Variants in DPP6 observed in about 807,000 individuals in gnomAD.
DPP6 encodes the protein dipeptidyl peptidase like 6.
Under a neutral mutation model 122.6 loss-of-function variants are expected in DPP6, and 69 were observed. That is an observed-to-expected ratio of 0.56 (90% CI 0.46 to 0.69). DPP6 has a LOEUF of 0.69. Among genes scored for constraint, DPP6 ranks in the 30% least tolerant of loss-of-function variants. The probability of loss-of-function intolerance (pLI) is 0.00; values close to 1 mark genes in which losing one functional copy is unlikely to be tolerated. For synonymous variants in DPP6, 418 were observed against 433.1 expected (o/e 0.97, Z 0.43); for missense variants, 928 against 1,116.9 (o/e 0.83, Z 2.41).
chr7:154,381,158 CGTT>C (rs886994418), intron 1 of DPP6, among the ~76,000 whole-genome samples: 5 of 152,082 alleles, frequency 3.3e-5, no homozygotes, highest in African/African-American at 1.2e-4. Flanking sequence ...AGTGGGATCT[CGTT>C]GTACTTTCAT....
chr7:154,061,806 C>A (rs1334060356), intron 1 of DPP6, among the ~76,000 whole-genome samples: 9 of 136,930 alleles, frequency 6.6e-5, no homozygotes, highest in East Asian at 4.3e-4. Flanking sequence ...GACGCGGGGA[C>A]TGAGAGCGAG....
intron 1 of DPP6, among the ~76,000 whole-genome samples, chr7:153,968,225 T>TA (rs879932137): frequency 3.3e-5 from 5 of 150,234 alleles, no homozygotes; most frequent in African/African-American, 1.3e-4. Context: ...TTTGACTTTT[T>TA]AAAAAAACCA....
intron 3 of DPP6, among the ~76,000 whole-genome samples, chr7:154,510,923 TACACACACACATGCACACACACACACAC>T (rs1826022852): frequency 8.2e-6 from 1 of 121,342 alleles, no homozygotes; most frequent in African/African-American, 3.2e-5. Context: ...CTCTTACACA[TACACACACACATGCACACACACACACAC>T]ACACACACAC....
intron 1 of DPP6, among the ~76,000 whole-genome samples, chr7:153,937,425 C>A (rs750688640): frequency 2.7e-5 from 4 of 147,316 alleles, no homozygotes; most frequent in Admixed American, 6.8e-5. Context: ...TTTCTTCCCT[C>A]TTCAGAGCTA....
intron 6 of DPP6, among the ~76,000 whole-genome samples, chr7:154,643,728 G>A (rs1445332335): frequency 2.0e-5 from 3 of 152,156 alleles, no homozygotes; most frequent in South Asian, 2.1e-4. Context: ...TCGGCCTCCC[G>A]AAGTGCTGGG....
At chr7:154,033,884 C>T (rs1266214943) in intron 1 of DPP6, among the ~76,000 whole-genome samples, 2 of 152,080 alleles carry the variant, frequency 1.3e-5, no homozygotes, top group African/African-American at 2.4e-5. Flanking sequence ...TCAGTTCATT[C>T]TAGTATCACA....
chr7:154,783,485 T>C (rs1797152767), intron 10 of DPP6, among the ~76,000 whole-genome samples: 1 of 152,182 alleles, frequency 6.6e-6, no homozygotes. Flanking sequence ...TGTGGCATTA[T>C]TGCGGCTCGC....
At chr7:153,928,396 A>ATTTTTTTTTTTTTTTTCTTTTTTTT (rs1801013316) in intron 1 of DPP6, among the ~76,000 whole-genome samples, 1 of 43,672 alleles carries the variant, frequency 2.3e-5, no homozygotes, top group Non-Finnish European at 4.4e-5. Flanking sequence ...CTTTTCTTTC[A>ATTTTTTTTTTTTTTTTCTTTTTTTT]TTTTTTTTTT....
intron 8 of DPP6, among the ~76,000 whole-genome samples, chr7:154,752,347 T>G (rs535612036): frequency 7.2e-5 from 11 of 152,322 alleles, no homozygotes; most frequent in African/African-American, 2.6e-4. Context: ...AGTTGCTTCC[T>G]TAGCTGTAAA....
chr7:154,462,042 G>A (rs1387431947), intron 2 of DPP6, among the ~76,000 whole-genome samples: 2 of 152,026 alleles, frequency 1.3e-5, no homozygotes, highest in Non-Finnish European at 2.9e-5. Flanking sequence ...TTTGTATATG[G>A]TGAGAGGGAA....
At chr7:154,087,195 G>A (rs1288238429) in intron 1 of DPP6, among the ~76,000 whole-genome samples, 11 of 151,996 alleles carry the variant, frequency 7.2e-5, no homozygotes, top group African/African-American at 2.7e-4. Context: ...GGAGTGTCAC[G>A]GGGCTGACAG....
intron 1 of DPP6, among the ~76,000 whole-genome samples, chr7:154,065,473 C>A (rs1001592501): frequency 2.0e-5 from 3 of 151,528 alleles, no homozygotes; most frequent in Non-Finnish European, 4.4e-5. Context: ...CAGGAAGGGC[C>A]CAAGGAAAAC....
chr7:154,758,359 T>G (rs7790248), intron 8 of DPP6, among the ~76,000 whole-genome samples: 9,113 of 149,786 alleles, frequency 0.061, 940 homozygotes, highest in African/African-American at 0.21. Flanking sequence ...CAGACTGTGA[T>G]GAAGGAAATA....
intron 1 of DPP6, among the ~76,000 whole-genome samples, chr7:154,147,793 C>T (rs1298209188): frequency 6.6e-6 from 1 of 152,148 alleles, no homozygotes; most frequent in Non-Finnish European, 1.5e-5. Flanking sequence ...ATCCGCCTGC[C>T]TCAGCCTCCC....
chr7:154,430,645 G>A (rs577160277), intron 1 of DPP6, among the ~76,000 whole-genome samples: 34 of 152,268 alleles, frequency 2.2e-4, no homozygotes, highest in African/African-American at 6.3e-4. Context: ...TTCCCCAGCC[G>A]TGCAACACAG....
chr7:154,769,488 A>G lies in DPP6; in HGVS notation c.955A>G (p.Asn319Asp). Residue 319 changes from asparagine (N) to aspartate (D), a missense_variant, in exon 9 of 26, where the codon AAT becomes GAT. Asn to Asp is a conservative substitution (Grantham distance 23). Transcript: ENST00000377770. Reference protein sequence around the residue: ...DGTRLAYAAINDSRVPIMELP... With the variant: ...DGTRLAYAAIDDSRVPIMELP... ...CACGAGACTCGCCTACGCCGCCATC[A>G]ATGATTCCCGTGTCCCCATCATGGA... 6.2e-7 allele frequency: 1 copy of G among 1,613,716 alleles called. No individual in the cohort carries two copies. Among genetic ancestry groups the G allele is most frequent in the Non-Finnish European group, 8.5e-7 (1 of 1,179,820 alleles).
intron 21 of DPP6, among the ~76,000 whole-genome samples, chr7:154,882,606 C>T (rs953772162): frequency 6.6e-6 from 1 of 152,194 alleles, no homozygotes; most frequent in Non-Finnish European, 1.5e-5. Flanking sequence ...AGCCACCCTG[C>T]ACCCAGAGGT....
chr7:154,170,608 G>A (rs902222019), intron 1 of DPP6, among the ~76,000 whole-genome samples: 1 of 152,162 alleles, frequency 6.6e-6, no homozygotes, highest in African/African-American at 2.4e-5. Context: ...TCTGCCTGGG[G>A]TTTTGATAGA....
At chr7:154,526,912 A>T (rs2130053354) in intron 3 of DPP6, among the ~76,000 whole-genome samples, 1 of 152,306 alleles carries the variant, frequency 6.6e-6, no homozygotes. Context: ...CCCAGTGATT[A>T]TTGGAGAAAC....
Sources: gnomAD v4.1 joint callset for allele counts (sites outside exome capture counted in the v4.1 genomes callset) on GRCh38, gnomAD v4.1.1 for gene constraint, MANE v1.5 for transcripts, NCBI Gene and HGNC (gene_info 2026-07-23, HGNC 2026-07-21) for gene names.